RALGAPA1: variants seen among roughly 807,000 people sequenced by gnomAD.
RALGAPA1 encodes the protein ral GTPase-activating protein subunit alpha-1.
RALGAPA1 carries 52 observed loss-of-function variants against 269.6 expected under a neutral mutation model. The ratio of observed to expected loss-of-function variants is 0.19; its 90% confidence interval spans 0.15 to 0.24. RALGAPA1 has a LOEUF of 0.24. RALGAPA1 is among the 10% of genes least tolerant of loss of function. The pLI is 1.00. For synonymous variants in RALGAPA1, 817 were observed against 1,008.3 expected, an observed-to-expected ratio of 0.81 and a Z score of 3.60; for missense variants, 1,917 against 3,013.9, an observed-to-expected ratio of 0.64 and a Z score of 8.52.
chr14:35,766,506 G>A (rs1303606225), intron 4 of RALGAPA1: 4 of 1,258,730 alleles, frequency 3.2e-6, no homozygotes, highest in Non-Finnish European at 3.5e-6. Flanking sequence ...TTATTCAATT[G>A]TCTGCTACCA....
At chr14:35,563,355 G>GCCCA (rs2056444438) in intron 39 of RALGAPA1, among the ~76,000 whole-genome samples, 1 of 152,080 alleles carries the variant, frequency 6.6e-6, no homozygotes, top group Admixed American at 6.5e-5. Context: ...CATTACTGGG[G>GCCCA]TAACAACATG....
intron 39 of RALGAPA1, among the ~76,000 whole-genome samples, chr14:35,553,069 A>G (rs1005373077): frequency 1.3e-5 from 2 of 152,184 alleles, no homozygotes; most frequent in African/African-American, 4.8e-5. Context: ...CTGTAAGTTA[A>G]GTGGGGATAC....
rs548811134 is a variant in RALGAPA1, at chr14:35,658,955, A to C, written c.5387+183T>G. On this transcript the variant is annotated intron_variant, in intron 28 of 41. Transcript: ENST00000680220. ...AAGGTGACTAGGATTCTGTTTATGA[A>C]GAAAGGTTAGTATTTAAATCATGAA... 2.0e-5 allele frequency among the ~76,000 whole-genome samples: 3 copies of C among 152,234 alleles called. No homozygotes were observed. The East Asian group carries it at 5.8e-4, about 29-fold the overall frequency.
In RALGAPA1 at chr14:35,604,915, T is replaced by A. The variant is rs1441278703; in HGVS notation, c.7053+671A>T. ...ATAAACATACTTATACAAATCCTTATGACAAATACCCACCTTCTGAGTTAT... is the reference window on the plus strand; with the variant it reads ...ATAAACATACTTATACAAATCCTTAAGACAAATACCCACCTTCTGAGTTAT... On this transcript the variant is annotated intron_variant, in intron 36 of 41. Transcript: ENST00000680220. 4.6e-5 allele frequency among the ~76,000 whole-genome samples: 7 copies of A among 152,262 alleles called. No homozygotes were observed. In the East Asian group the frequency reaches 5.8e-4, roughly 13 times the overall value.
At chr14:35,663,209 G>C (rs1380932525) in intron 27 of RALGAPA1, among the ~76,000 whole-genome samples, 1 of 152,016 alleles carries the variant, frequency 6.6e-6, no homozygotes, top group East Asian at 1.9e-4. Flanking sequence ...TGATTTCTGA[G>C]TATATACCAG....
intron 37 of RALGAPA1, among the ~76,000 whole-genome samples, chr14:35,584,794 C>G (rs2058174040): frequency 6.6e-6 from 1 of 151,832 alleles, no homozygotes; most frequent in South Asian, 2.1e-4. Context: ...AAATAGAAAA[C>G]AGAATACAGC....
chr14:35,549,637 C>T (rs969085761), intron 39 of RALGAPA1, among the ~76,000 whole-genome samples: 4 of 152,108 alleles, frequency 2.6e-5, no homozygotes, highest in Admixed American at 1.3e-4. Flanking sequence ...TCAAAAGCCA[C>T]GCAAGAAACA....
At chr14:35,690,743 A>C (rs1446846420) in intron 17 of RALGAPA1, among the ~76,000 whole-genome samples, 1 of 152,144 alleles carries the variant, frequency 6.6e-6, no homozygotes, top group East Asian at 1.9e-4. Flanking sequence ...ATCAAGCTCT[A>C]AAAACTATAT....
At chr14:35,775,135 G>GTT in intron 2 of RALGAPA1, 80 bp from the exon 3 acceptor site, 27 of 739,740 alleles carry the variant, frequency 3.6e-5, no homozygotes, top group Admixed American at 6.2e-5. Flanking sequence ...AAGAATGAAG[G>GTT]TTTTTTTTTT....
At chr14:35,766,187 T>C in intron 4 of RALGAPA1, 1 of 834,852 alleles carries the variant, frequency 1.2e-6, no homozygotes, top group Non-Finnish European at 2.1e-6. Context: ...TAGTTTCCCA[T>C]CATGGTCTCA....
intron 17 of RALGAPA1, among the ~76,000 whole-genome samples, chr14:35,690,473 T>G (rs1454449146): frequency 2.0e-5 from 3 of 152,236 alleles, no homozygotes. Flanking sequence ...GCATCTTTTC[T>G]TCAAATTTTG....
At chr14:35,656,983 C>T (rs184735301) in intron 28 of RALGAPA1, among the ~76,000 whole-genome samples, 1 of 152,148 alleles carries the variant, frequency 6.6e-6, no homozygotes, top group African/African-American at 2.4e-5. Flanking sequence ...TAACTAAAGG[C>T]AGAGACTTAG....
At chr14:35,686,906 A>C (rs2065989090) in intron 18 of RALGAPA1, among the ~76,000 whole-genome samples, 1 of 152,244 alleles carries the variant, frequency 6.6e-6, no homozygotes, top group African/African-American at 2.4e-5. Context: ...GAAAGCTTAT[A>C]GATAAGCACT....
intron 1 of RALGAPA1, among the ~76,000 whole-genome samples, chr14:35,795,876 C>T (rs1001240944): frequency 1.3e-4 from 19 of 151,148 alleles, no homozygotes; most frequent in African/African-American, 4.6e-4. Context: ...CCCAGCTACT[C>T]GGGAAGCTGA....
chr14:35,790,149 A>G (rs1399925269), intron 1 of RALGAPA1, among the ~76,000 whole-genome samples: 1 of 151,956 alleles, frequency 6.6e-6, no homozygotes, highest in Non-Finnish European at 1.5e-5. Flanking sequence ...GTTACTCCAA[A>G]GGCTGAGGCA....
At chr14:35,761,423 C>T (rs1182100021) in intron 5 of RALGAPA1, among the ~76,000 whole-genome samples, 1 of 152,046 alleles carries the variant, frequency 6.6e-6, no homozygotes, top group Non-Finnish European at 1.5e-5. Context: ...GGGATCCTGG[C>T]ACACTGCGAA....
intron 7 of RALGAPA1, among the ~76,000 whole-genome samples, chr14:35,755,883 T>G (rs2073119661): frequency 6.6e-6 from 1 of 152,200 alleles, no homozygotes; most frequent in Non-Finnish European, 1.5e-5. Flanking sequence ...TTTGGAGCCA[T>G]TATAAGAAAT....
chr14:35,658,404 T>A (rs2063336203), intron 28 of RALGAPA1, among the ~76,000 whole-genome samples: 1 of 152,162 alleles, frequency 6.6e-6, no homozygotes, highest in Admixed American at 6.5e-5. Context: ...TCAAAAAATG[T>A]GTAGATGATT....
chr14:35,707,287 CTTTA>C (rs927974725), intron 16 of RALGAPA1: 1 of 152,120 alleles, frequency 6.6e-6, no homozygotes, highest in Non-Finnish European at 1.5e-5. Flanking sequence ...ACAAAGATAG[CTTTA>C]TTTATTTCTT....
Sources: gnomAD v4.1 joint callset for allele counts (sites outside exome capture counted in the v4.1 genomes callset) on GRCh38, gnomAD v4.1.1 for gene constraint, MANE v1.5 for transcripts, NCBI Gene and HGNC (gene_info 2026-07-23, HGNC 2026-07-21) for gene names.